SGCZ: variants seen among roughly 807,000 people sequenced by gnomAD.
SGCZ encodes the protein sarcoglycan zeta.
Under a neutral mutation model 41.3 loss-of-function variants are expected in SGCZ, and 40 were observed. The observed-to-expected ratio is 0.97, with a 90% confidence interval of 0.75 to 1.26. The LOEUF is 1.26. Ranked by LOEUF, SGCZ falls within the 50% of genes most tolerant of loss-of-function variation. The probability of loss-of-function intolerance (pLI) is 0.00; values close to 1 mark genes in which losing one functional copy is unlikely to be tolerated. For synonymous variants in SGCZ, 206 were observed against 137.5 expected (o/e 1.50, Z -3.49); for missense variants, 552 against 369.8 (o/e 1.49, Z -4.04).
intron 1 of SGCZ, among the ~76,000 whole-genome samples, chr8:14,808,397 A>G (rs1403818463): frequency 6.6e-6 from 1 of 152,180 alleles, no homozygotes; most frequent in East Asian, 1.9e-4. Flanking sequence ...AAAAAAACAA[A>G]CAACCCCATC....
At chr8:14,165,132 C>T (rs58258242) in intron 4 of SGCZ, 5 of 155,320 alleles carry the variant, frequency 3.2e-5, no homozygotes, top group South Asian at 2.0e-4. Flanking sequence ...TGCTACATCA[C>T]GGAGGACTTG....
chr8:15,181,635 C>A lies in SGCZ; in HGVS notation c.39+55950G>T, dbSNP rs540006164. 4.6e-5 allele frequency among the ~76,000 whole-genome samples: 7 copies of A among 152,164 alleles called. No homozygotes were observed. In the South Asian group the frequency reaches 1.4e-3, roughly 32 times the overall value. ...CTTCAGATATACTTAATATATATTGCAGTGAACATTTTGATACGCTAAAAA... is the reference window on the plus strand; with the variant it reads ...CTTCAGATATACTTAATATATATTGAAGTGAACATTTTGATACGCTAAAAA... On this transcript the variant is annotated intron_variant, in intron 1 of 7. Coordinates refer to ENST00000382080, the MANE Select transcript of SGCZ (RefSeq NM_139167.4).
At chr8:14,625,958 G>C (rs1365459574) in intron 1 of SGCZ, among the ~76,000 whole-genome samples, 1 of 152,138 alleles carries the variant, frequency 6.6e-6, no homozygotes, top group African/African-American at 2.4e-5. Flanking sequence ...AATTTAGACA[G>C]CAAAGTTTCA....
chr8:14,723,942 G>A (rs2130196906), intron 1 of SGCZ, among the ~76,000 whole-genome samples: 1 of 152,154 alleles, frequency 6.6e-6, no homozygotes, highest in Non-Finnish European at 1.5e-5. Context: ...AGCATAATAT[G>A]ATAATGATGA....
At chr8:14,646,164 C>A (rs1315282481) in intron 1 of SGCZ, among the ~76,000 whole-genome samples, 1 of 151,896 alleles carries the variant, frequency 6.6e-6, no homozygotes, top group African/African-American at 2.4e-5. Context: ...AGATACTGAG[C>A]ACAGTACCCA....
intron 2 of SGCZ, among the ~76,000 whole-genome samples, chr8:14,357,505 A>C (rs1476789791): frequency 6.6e-6 from 1 of 152,184 alleles, no homozygotes; most frequent in Non-Finnish European, 1.5e-5. Flanking sequence ...ATGCAGAACT[A>C]TATGCTGTAC....
intron 1 of SGCZ, among the ~76,000 whole-genome samples, chr8:14,637,404 T>C (rs116759360): frequency 4.0e-5 from 6 of 151,756 alleles, no homozygotes; most frequent in Admixed American, 1.3e-4. Context: ...GTTTGGAGCA[T>C]GGATCCCATC....
chr8:14,094,897 CT>C (rs1251619573), intron 7 of SGCZ, among the ~76,000 whole-genome samples: 3 of 152,234 alleles, frequency 2.0e-5, no homozygotes, highest in East Asian at 1.9e-4. Context: ...TGATGAAGAG[CT>C]TTTTTTCATG....
At chr8:15,195,890 A>ATTTTTTT (rs10548247) in intron 1 of SGCZ, among the ~76,000 whole-genome samples, 4 of 73,150 alleles carry the variant, frequency 5.5e-5, no homozygotes, top group Admixed American at 1.8e-4. Flanking sequence ...TTAGGCTTCG[A>ATTTTTTT]TTTTTTTTTT....
chr8:14,656,320 C>G (rs1326619115), intron 1 of SGCZ, among the ~76,000 whole-genome samples: 3 of 151,592 alleles, frequency 2.0e-5, no homozygotes, highest in Non-Finnish European at 4.4e-5. Context: ...AGCCCTCCTT[C>G]CTCCTCCTCT....
intron 2 of SGCZ, among the ~76,000 whole-genome samples, chr8:14,433,695 AAC>A: frequency 6.6e-6 from 1 of 152,206 alleles, no homozygotes; most frequent in Non-Finnish European, 1.5e-5. Flanking sequence ...ATTTTACATA[AAC>A]ACGCTCTCTG....
intron 1 of SGCZ, among the ~76,000 whole-genome samples, chr8:15,016,442 G>A (rs1169054395): frequency 3.9e-5 from 6 of 152,174 alleles, no homozygotes; most frequent in Admixed American, 3.9e-4. Flanking sequence ...CCTGTTTGTA[G>A]CATAATCTCT....
At chr8:14,602,901 C>G (rs1805637899) in intron 1 of SGCZ, among the ~76,000 whole-genome samples, 1 of 152,076 alleles carries the variant, frequency 6.6e-6, no homozygotes, top group African/African-American at 2.4e-5. Flanking sequence ...ACACTATCAA[C>G]TAAGGAAATG....
intron 5 of SGCZ, among the ~76,000 whole-genome samples, chr8:14,120,191 C>G (rs546968321): frequency 1.5e-3 from 231 of 152,242 alleles, no homozygotes; most frequent in Non-Finnish European, 3.0e-3. Context: ...ACATCTATCA[C>G]TGGAATATAA....
At chr8:15,191,353 C>A (rs1366131875) in intron 1 of SGCZ, among the ~76,000 whole-genome samples, 1 of 151,976 alleles carries the variant, frequency 6.6e-6, no homozygotes, top group East Asian at 1.9e-4. Flanking sequence ...CTAGACCAGG[C>A]AGGTAAACTT....
intron 3 of SGCZ, among the ~76,000 whole-genome samples, chr8:14,315,508 A>G (rs997251180): frequency 6.6e-6 from 1 of 152,116 alleles, no homozygotes; most frequent in African/African-American, 2.4e-5. Flanking sequence ...CAGTCAAAGC[A>G]AAGTTAACCC....
At chr8:14,306,595 T>C (rs12547474) in intron 3 of SGCZ, among the ~76,000 whole-genome samples, 37,983 of 151,986 alleles carry the variant, frequency 0.25, 4,952 homozygotes, top group South Asian at 0.33. Context: ...GCAAAAACAA[T>C]ATGCCTGAAA....
At chr8:14,713,719 A>T (rs150046145) in intron 1 of SGCZ, among the ~76,000 whole-genome samples, 2,396 of 151,500 alleles carry the variant, frequency 0.016, 28 homozygotes, top group South Asian at 0.065. Flanking sequence ...CTAAAGAAGG[A>T]TAATACAGGT....
chr8:14,501,381 G>A (rs1022575242), intron 2 of SGCZ, among the ~76,000 whole-genome samples: 4 of 151,810 alleles, frequency 2.6e-5, no homozygotes, highest in Admixed American at 6.6e-5. Flanking sequence ...TGGGGAAGTC[G>A]ATACAGGAGA....
Sources: allele counts gnomAD v4.1 joint callset (sites outside exome capture counted in the v4.1 genomes callset), GRCh38; gene constraint gnomAD v4.1.1; transcripts MANE v1.5; gene names NCBI Gene and HGNC (gene_info 2026-07-23, HGNC 2026-07-21).